Variants in TMEM175 observed in about 807,000 individuals in gnomAD.
The protein encoded by TMEM175 is transmembrane protein 175, also known as endosomal/lysosomal proton channel TMEM175.
A neutral mutation model predicts 36.5 loss-of-function variants in TMEM175; 36 were observed. The observed-to-expected ratio is 0.99, with a 90% confidence interval of 0.76 to 1.30. The LOEUF is 1.30. Ranked by LOEUF, TMEM175 falls within the 50% of genes most tolerant of loss-of-function variation. The probability of loss-of-function intolerance (pLI) is 0.00; values close to 1 mark genes in which losing one functional copy is unlikely to be tolerated. For missense variants in TMEM175, 705 were observed against 692.8 expected, an observed-to-expected ratio of 1.02 and a Z score of -0.20; for synonymous variants, 339 against 313.4, an observed-to-expected ratio of 1.08 and a Z score of -0.86.
rs981206990 is a variant in TMEM175, at chr4:950,592, G to T, written c.290+74G>T. The stretch of plus-strand genomic sequence containing the variant: ...CGTACCCCGCACCACATCACGCACG[G>T]GTCCATGGGGTCGGGGAGGACAGCA... On this transcript the variant is annotated intron_variant, in intron 4 of 10. Coordinates refer to ENST00000264771, the MANE Select transcript of TMEM175 (RefSeq NM_032326.4). 6.1e-6 allele frequency: 7 copies of T among 1,138,496 alleles called. No homozygotes were observed. The African/African-American group carries it at 7.6e-5, about 12-fold the overall frequency. The allele number at this position is 1,138,496 out of a possible 1,614,324, so 70.5% of individuals were successfully genotyped here.
chr4:948,059 C>T (rs1056636505), intron 2 of TMEM175, 57 bp from the exon 3 acceptor site: 4 of 1,613,930 alleles, frequency 2.5e-6, no homozygotes, highest in Non-Finnish European at 3.4e-6. Flanking sequence ...ACTGCCACAC[C>T]CAATCCAACA....
At chr4:956,127 C>T (rs1277548957) in intron 10 of TMEM175, among the ~76,000 whole-genome samples, 2 of 140,892 alleles carry the variant, frequency 1.4e-5, no homozygotes, top group Non-Finnish European at 3.0e-5. Context: ...CAAGCACAGC[C>T]GAGGATGGGG....
chr4:934,181 G>T (rs1726526552), intron 1 of TMEM175, among the ~76,000 whole-genome samples: 1 of 152,252 alleles, frequency 6.6e-6, no homozygotes, highest in Non-Finnish European at 1.5e-5. Context: ...CCCTGCTAGA[G>T]ACAGATATCT....
chr4:940,616 A>C (rs1229136484), intron 1 of TMEM175, among the ~76,000 whole-genome samples: 2 of 152,194 alleles, frequency 1.3e-5, no homozygotes, highest in African/African-American at 4.8e-5. Context: ...CACAGAATGA[A>C]GCCTAATGTA....
At position 958,464 on chromosome 4, in the gene TMEM175, C is replaced by T; in HGVS notation, c.1483C>T (p.Pro495Ser). 1.3e-6 allele frequency: 2 copies of T among 1,570,308 alleles called. No individual in the cohort carries two copies. The highest frequency in any genetic ancestry group is 8.6e-7 in the Non-Finnish European group (1 of 1,164,328). The change falls in exon 11 of 11, where the codon CCA becomes TCA. Residue 495 changes from proline (P) to serine (S), a missense_variant. Coordinates refer to ENST00000264771, the MANE Select transcript of TMEM175 (RefSeq NM_032326.4). ...GCCAGCCCCCACGGGCCAGGACGAC[C>T]CACAGTCCCAGCTCCTCCCTGCCCC... Reference protein sequence around the residue: ...PPPAPTGQDDPQSQLLPAPC With the variant: ...PPPAPTGQDDSQSQLLPAPC
At chr4:949,061 AG>A (rs1560486364) in intron 3 of TMEM175, among the ~76,000 whole-genome samples, 1 of 152,080 alleles carries the variant, frequency 6.6e-6, no homozygotes, top group African/African-American at 2.4e-5. Flanking sequence ...CGCCCTCCCT[AG>A]GGGGGCAGCT....
rs1726082419 is a variant in TMEM175, at chr4:932,484, G to A, written c.-88G>A. 12 of 484,504 alleles carry A rather than the reference G, an allele frequency of 2.5e-5. No individual in the cohort carries two copies. The Admixed American group carries it at 4.8e-4, about 20-fold the overall frequency. 30.0% of individuals were successfully genotyped at this position (484,504 alleles called of 1,614,324 possible). ...TGAACTTCCGGCTGTCAAGCTCCCG[G>A]CCGGGCTGACTCAAGCGGAGGCGCG... On this transcript the variant is annotated 5_prime_UTR_variant, in exon 1 of 11. Coordinates refer to ENST00000264771, the MANE Select transcript of TMEM175 (RefSeq NM_032326.4). This position sits in a 1 kb window ranked among gnomAD's most constrained non-coding sequence, Gnocchi z 4.0.
At chr4:952,495 TGTG>T in intron 7 of TMEM175, 45 bp downstream of exon 7, 1 of 1,444,780 alleles carries the variant, frequency 6.9e-7, no homozygotes, top group Non-Finnish European at 9.4e-7. Context: ...TGTGTGTGTG[TGTG>T]TGTGTGTGTG....
intron 4 of TMEM175, among the ~76,000 whole-genome samples, chr4:950,751 G>T (rs1728771715): frequency 6.7e-6 from 1 of 149,190 alleles, no homozygotes; most frequent in Admixed American, 6.7e-5. Flanking sequence ...GGTGCAATAG[G>T]TGGAGGTGTG....
intron 8 of TMEM175, among the ~76,000 whole-genome samples, chr4:953,717 G>C (rs1016435318): frequency 6.6e-6 from 1 of 152,236 alleles, no homozygotes; most frequent in Non-Finnish European, 1.5e-5. Context: ...GCAAGATCTC[G>C]CTGTGTCACC....
chr4:945,045 G>C (rs1168870472), intron 1 of TMEM175, among the ~76,000 whole-genome samples: 1 of 145,666 alleles, frequency 6.9e-6, no homozygotes, highest in East Asian at 2.0e-4. Flanking sequence ...CGAGGCTGCA[G>C]TGAGCCGTGA....
chr4:955,117 T>C (rs940077437), intron 8 of TMEM175, among the ~76,000 whole-genome samples: 5 of 152,182 alleles, frequency 3.3e-5, no homozygotes, highest in Non-Finnish European at 7.3e-5. Context: ...TAATTTTTTA[T>C]TTTTCGTAGA....
intron 7 of TMEM175, among the ~76,000 whole-genome samples, chr4:952,805 G>A (rs1212486423): frequency 1.3e-5 from 2 of 151,494 alleles, no homozygotes; most frequent in East Asian, 2.0e-4. Context: ...GTGAGTGATC[G>A]ATTGCCGTCA....
chr4:951,579 T>C (rs1728895510), intron 5 of TMEM175, 103 bp from the exon 6 acceptor site: 2 of 1,480,812 alleles, frequency 1.4e-6, no homozygotes, highest in East Asian at 2.3e-5. Flanking sequence ...CCCACCCTTC[T>C]TGGGGAGGGC....
rs548804127 is a variant in TMEM175, at chr4:950,733, G to C, written c.290+215G>C. ...GGTGTGGACGGTGCAGTAGGTGGAG[G>C]TGTGGATGGTGCAATAGGTGGAGGT... On this transcript the variant is annotated intron_variant, in intron 4 of 10. Coordinates refer to ENST00000264771, the MANE Select transcript of TMEM175 (RefSeq NM_032326.4). Among the ~76,000 whole-genome samples the C allele has an allele frequency of 3.3e-5, 5 of 149,354 alleles. No individual in the cohort carries two copies. In the South Asian group the frequency reaches 1.1e-3, roughly 31 times the overall value.
At chr4:950,989 T>C (rs1728820730) in intron 4 of TMEM175, among the ~76,000 whole-genome samples, 1 of 151,844 alleles carries the variant, frequency 6.6e-6, no homozygotes, top group African/African-American at 2.4e-5. Context: ...GTGTGGGCGG[T>C]GCGGATGGTG....
At chr4:935,401 T>G (rs1029568214) in intron 1 of TMEM175, among the ~76,000 whole-genome samples, 3 of 152,188 alleles carry the variant, frequency 2.0e-5, no homozygotes, top group African/African-American at 7.2e-5. Flanking sequence ...TTTCCTAAAT[T>G]TCATAGCAAA....
intron 3 of TMEM175, among the ~76,000 whole-genome samples, chr4:949,520 T>G (rs1009927973): frequency 3.9e-5 from 6 of 152,088 alleles, no homozygotes; most frequent in African/African-American, 1.4e-4. Flanking sequence ...CTCACTCTGA[T>G]GAAAAATAAA....
chr4:945,292 G>T (rs1727997549), intron 1 of TMEM175, among the ~76,000 whole-genome samples: 1 of 147,374 alleles, frequency 6.8e-6, no homozygotes, highest in Admixed American at 6.8e-5. Context: ...GTTTCCCCAG[G>T]CCCCCGCCGT....
Sources: gnomAD v4.1 joint callset for allele counts (sites outside exome capture counted in the v4.1 genomes callset) on GRCh38, gnomAD v4.1.1 for gene constraint, Gnocchi (gnomAD v3.1) non-coding constraint, MANE v1.5 for transcripts, NCBI Gene and HGNC (gene_info 2026-07-23, HGNC 2026-07-21) for gene names.